PCDH9: variants seen among roughly 807,000 people sequenced by gnomAD.
PCDH9 encodes protocadherin 9, also known as protocadherin-9.
A neutral mutation model predicts 70.6 loss-of-function variants in PCDH9; 24 were observed. The ratio of observed to expected loss-of-function variants is 0.34; its 90% CI spans 0.25 to 0.48. The LOEUF is 0.48. Among genes scored for constraint, PCDH9 ranks in the 20% least tolerant of loss-of-function variants. PCDH9 has a pLI of 0.99. For missense variants in PCDH9, 1,281 were observed against 1,503.6 expected (o/e 0.85, Z 2.45); for synonymous variants, 562 against 558.5 (o/e 1.01, Z -0.09).
chr13:67,224,817 A>G (rs1014913907), intron 2 of PCDH9: 1 of 905,800 alleles, frequency 1.1e-6, no homozygotes, highest in Non-Finnish European at 1.3e-6. Flanking sequence ...ATATTACAAT[A>G]AAATAATTTG....
chr13:66,706,973 C>T (rs1333448847), intron 3 of PCDH9, among the ~76,000 whole-genome samples: 2 of 152,020 alleles, frequency 1.3e-5, no homozygotes, highest in African/African-American at 2.4e-5. Context: ...GTAGGGACAC[C>T]GGGCTGGGGA....
intron 4 of PCDH9, among the ~76,000 whole-genome samples, chr13:66,461,676 A>G (rs1423147222): frequency 2.0e-5 from 3 of 151,834 alleles, no homozygotes; most frequent in Non-Finnish European, 4.4e-5. Context: ...TGTTTTATGT[A>G]TATGTATAGT....
chr13:66,531,790 G>GT lies in PCDH9; in HGVS notation c.3340+99419dup, dbSNP rs1960467536. 2.0e-5 allele frequency among the ~76,000 whole-genome samples: 3 copies of GT among 152,208 alleles called. No individual in the cohort carries two copies. In the South Asian group the frequency reaches 6.2e-4, roughly 32 times the overall value. Reference sequence around the variant, plus strand: ...TGTACTAATGCATTAAAATAAATATGTTCATTAGATTTTAAGGTAGATTTC... The same window carrying GT: ...TGTACTAATGCATTAAAATAAATATGTTTCATTAGATTTTAAGGTAGATTTC... On this transcript the variant is annotated intron_variant, in intron 4 of 4. Coordinates refer to ENST00000377865, the MANE Select transcript of PCDH9 (RefSeq NM_203487.3).
intron 3 of PCDH9, among the ~76,000 whole-genome samples, chr13:66,821,527 T>C (rs1026498950): frequency 1.6e-4 from 24 of 152,118 alleles, no homozygotes; most frequent in African/African-American, 5.1e-4. Context: ...TCAGTATTCA[T>C]AGAAAAAGTC....
At chr13:67,155,471 A>T (rs976876352) in intron 2 of PCDH9, among the ~76,000 whole-genome samples, 1 of 152,234 alleles carries the variant, frequency 6.6e-6, no homozygotes, top group African/African-American at 2.4e-5. Flanking sequence ...TTGAAATTGG[A>T]TCATAACCTT....
At chr13:66,953,280 T>C (rs1329158068) in intron 2 of PCDH9, among the ~76,000 whole-genome samples, 1 of 152,190 alleles carries the variant, frequency 6.6e-6, no homozygotes, top group African/African-American at 2.4e-5. Flanking sequence ...ATGCTAACAT[T>C]GAAGCTACAT....
chr13:67,153,868 G>A (rs2087726504), intron 2 of PCDH9, among the ~76,000 whole-genome samples: 1 of 152,118 alleles, frequency 6.6e-6, no homozygotes, highest in African/African-American at 2.4e-5. Context: ...ATTGCCAAAG[G>A]AAATCATGTT....
At chr13:66,932,681 T>TATATATATATATATATATATATATACAC (rs1313632174) in intron 2 of PCDH9, among the ~76,000 whole-genome samples, 8 of 114,824 alleles carry the variant, frequency 7.0e-5, no homozygotes, top group African/African-American at 2.7e-4. Context: ...TATATATATA[T>TATATATATATATATATATATATATACAC]ACACACACAC....
rs1273329846 is a variant in PCDH9 at position 66,746,882 on chromosome 13, A to G, written c.3139-115471T>C. 7.2e-5 allele frequency among the ~76,000 whole-genome samples: 11 copies of G among 152,196 alleles called. 1 individual carries two copies. Among genetic ancestry groups the G allele is most frequent in the Admixed American group, 7.2e-4 (11 of 15,280 alleles). ...AGTATAATAATGTTTGGTACTTTTA[A>G]TGTAACAATTGTGTGAGACTACTAA... On this transcript the variant is annotated intron_variant, in intron 3 of 4. Transcript: ENST00000377865.
intron 4 of PCDH9, among the ~76,000 whole-genome samples, chr13:66,377,255 T>C (rs1956765777): frequency 1.3e-5 from 2 of 152,198 alleles, no homozygotes; most frequent in Non-Finnish European, 2.9e-5. Context: ...CCAGTTGTTC[T>C]CAAATCTTAG....
chr13:67,142,019 G>T (rs990051349), intron 2 of PCDH9, among the ~76,000 whole-genome samples: 1 of 151,906 alleles, frequency 6.6e-6, no homozygotes, highest in African/African-American at 2.4e-5. Context: ...ATACATATTG[G>T]GTTAGAAAAT....
chr13:67,103,784 AG>A (rs1161595820), intron 2 of PCDH9, among the ~76,000 whole-genome samples: 1 of 152,082 alleles, frequency 6.6e-6, no homozygotes, highest in Non-Finnish European at 1.5e-5. Context: ...ATGCTTGACT[AG>A]GGAATTCCTA....
chr13:66,325,217 A>C (rs1955822009), intron 4 of PCDH9, among the ~76,000 whole-genome samples: 1 of 152,062 alleles, frequency 6.6e-6, no homozygotes. Context: ...TATATGAAAC[A>C]TATTTGCCAT....
chr13:66,390,332 A>AC (rs1367434261), intron 4 of PCDH9, among the ~76,000 whole-genome samples: 1 of 152,094 alleles, frequency 6.6e-6, no homozygotes, highest in Non-Finnish European at 1.5e-5. Context: ...AAAAGAAGTC[A>AC]CCCTTTGACC....
chr13:66,409,309 T>A (rs1475292706), intron 4 of PCDH9, among the ~76,000 whole-genome samples: 1 of 152,228 alleles, frequency 6.6e-6, no homozygotes, highest in Non-Finnish European at 1.5e-5. Context: ...ACATGATTTC[T>A]GTATTTGCTG....
At chr13:66,774,961 T>C (rs1254875413) in intron 3 of PCDH9, among the ~76,000 whole-genome samples, 2 of 152,208 alleles carry the variant, frequency 1.3e-5, no homozygotes, top group African/African-American at 4.8e-5. Flanking sequence ...GGATATTATT[T>C]TCTAAGTATA....
chr13:66,562,521 C>G (rs542438136), intron 4 of PCDH9, among the ~76,000 whole-genome samples: 5 of 152,284 alleles, frequency 3.3e-5, no homozygotes, highest in Admixed American at 3.3e-4. Context: ...GGAGCAAAGG[C>G]ATGTCTTACA....
intron 4 of PCDH9, among the ~76,000 whole-genome samples, chr13:66,418,224 T>G (rs1220457240): frequency 1.3e-5 from 2 of 152,244 alleles, no homozygotes; most frequent in Admixed American, 1.3e-4. Context: ...TTTCTGAATA[T>G]AGCTAGCCAG....
At chr13:66,353,535 CTCT>C (rs976924424) in intron 4 of PCDH9, among the ~76,000 whole-genome samples, 5 of 152,060 alleles carry the variant, frequency 3.3e-5, no homozygotes, top group African/African-American at 1.2e-4. Flanking sequence ...CTTGAAAGTG[CTCT>C]TGGTGCTCAA....
Sources: allele counts gnomAD v4.1 joint callset (sites outside exome capture counted in the v4.1 genomes callset), GRCh38; gene constraint gnomAD v4.1.1; transcripts MANE v1.5; gene names NCBI Gene and HGNC (gene_info 2026-07-23, HGNC 2026-07-21).